CEP76: variants seen among roughly 807,000 people sequenced by gnomAD.
CEP76 encodes the protein centrosomal protein of 76 kDa.
CEP76 carries 55 observed loss-of-function variants against 83.3 expected under a neutral mutation model. The observed-to-expected ratio is 0.66, with a 90% CI of 0.53 to 0.83. The LOEUF (loss-of-function observed/expected upper bound fraction) is 0.83, where lower values mean the gene tolerates loss of function less well. Ranked by LOEUF, CEP76 falls within the 40% of genes least tolerant of loss-of-function variation. CEP76 has a pLI of 0.00. For missense variants in CEP76, 694 were observed against 799.5 expected (o/e 0.87, Z 1.59); for synonymous variants, 270 against 274.5 (o/e 0.98, Z 0.16).
intron 7 of CEP76, among the ~76,000 whole-genome samples, chr18:12,690,494 T>C (rs1432911735): frequency 1.3e-5 from 2 of 151,952 alleles, no homozygotes; most frequent in African/African-American, 4.8e-5. Flanking sequence ...CTTGCTGTGT[T>C]GCCCAGGCCG....
At position 12,678,228 on chromosome 18, in the gene CEP76, G is replaced by C; in HGVS notation, c.1504C>G (p.Pro502Ala). The change falls in exon 10 of 12, where the codon CCT (proline) becomes GCT (alanine). Residue 502 changes from proline to alanine, a missense_variant. Pro to Ala is a conservative substitution (Grantham distance 27). Coordinates refer to ENST00000262127, the MANE Select transcript of CEP76 (RefSeq NM_024899.4). Reference sequence around the variant, plus strand: ...GGAGGAAGGGATGTTGTAGCTCCAGGAGCACACACAGATTTAATTGCTTCC... The same window carrying C: ...GGAGGAAGGGATGTTGTAGCTCCAGCAGCACACACAGATTTAATTGCTTCC... ...SEEAIKSVCA[P>A]GATTSLPPFP... is the part of the protein sequence containing the mutation. The C allele has an allele frequency of 6.2e-7, 1 of 1,614,128 alleles. No individual in the cohort carries two copies. The highest frequency in any genetic ancestry group is 8.5e-7 in the Non-Finnish European group (1 of 1,180,028).
At chr18:12,693,483 T>C (rs2039839827) in intron 6 of CEP76, among the ~76,000 whole-genome samples, 1 of 151,940 alleles carries the variant, frequency 6.6e-6, no homozygotes, top group Admixed American at 6.6e-5. Flanking sequence ...GCCCAAACAT[T>C]TACTTTATAT....
intron 6 of CEP76, among the ~76,000 whole-genome samples, chr18:12,693,256 T>TTAAA (rs759779120): frequency 1.3e-5 from 2 of 152,088 alleles, no homozygotes; most frequent in Non-Finnish European, 2.9e-5. Context: ...AAAATAATGT[T>TTAAA]AAGTTTAAAA....
chr18:12,671,354 A>C (rs948024128), downstream of CEP76, among the ~76,000 whole-genome samples: 3 of 152,208 alleles, frequency 2.0e-5, no homozygotes, highest in Non-Finnish European at 4.4e-5. Flanking sequence ...TGGATAGCCA[A>C]CTGGTATAGA....
In CEP76 at chr18:12,678,442, C is replaced by T. The variant is rs1437447834; in HGVS notation, c.1290G>A (p.Arg430=). Residue 430 remains arginine, a splice_region_variant and synonymous_variant, in exon 10 of 12, where the codon AGG becomes AGA. Coordinates refer to ENST00000262127, the MANE Select transcript of CEP76 (RefSeq NM_024899.4). ...CAGGATTGGTAGGTTTATGGATGTA[C>T]CTAAAAAAATTAAATAATTTTATAT... is the stretch of plus-strand genomic sequence containing the variant. The part of the protein sequence containing the change: ...ITFWESLTGH[R]YIHKPTNPDE... 1.9e-6 allele frequency: 3 copies of T among 1,558,088 alleles called. No individual in the cohort carries two copies. Among genetic ancestry groups the T allele is most frequent in the Non-Finnish European group, 2.6e-6 (3 of 1,152,114 alleles).
intron 10 of CEP76, among the ~76,000 whole-genome samples, chr18:12,676,684 A>G (rs973456210): frequency 3.3e-5 from 5 of 152,216 alleles, no homozygotes; most frequent in African/African-American, 1.2e-4. Context: ...AGGGGCATTC[A>G]TTTCCAGCAA....
In CEP76 at chr18:12,699,905, C is replaced by A; in HGVS notation, c.220G>T (p.Asp74Tyr). ...DVMKELNFVT[D>Y]SVEQELPSSP... ...GAAGGGAGTTCTTGCTCAACACTGTCCTAGAAAGGCAGGAAAAAAAAATCA... is the reference window on the plus strand; with the variant it reads ...GAAGGGAGTTCTTGCTCAACACTGTACTAGAAAGGCAGGAAAAAAAAATCA... Residue 74 changes from aspartate (D) to tyrosine (Y), a missense_variant and splice_region_variant, in exon 3 of 12, where the codon GAC becomes TAC. Asp to Tyr is a radical substitution (Grantham distance 160). Transcript: ENST00000262127. 1 of 1,573,946 alleles carries A rather than the reference C, an allele frequency of 6.4e-7. No homozygotes were observed. The highest frequency in any genetic ancestry group is 1.2e-5 in the South Asian group (1 of 83,566).
At chr18:12,665,025 C>T (rs1409021053) in intron 12 of CEP76, 1 of 152,018 alleles carries the variant, frequency 6.6e-6, no homozygotes, top group Non-Finnish European at 1.5e-5. Context: ...TGGCCCTTTC[C>T]TGTTGCTCAA....
intron 4 of CEP76, 117 bp downstream of exon 4, chr18:12,698,862 A>G (rs1240044660): frequency 1.4e-6 from 1 of 724,660 alleles, no homozygotes; most frequent in Non-Finnish European, 2.3e-6. Flanking sequence ...GTGGGAAACA[A>G]AATAGAGATT....
At chr18:12,689,911 C>T (rs9960555) in intron 7 of CEP76, among the ~76,000 whole-genome samples, 59,248 of 151,980 alleles carry the variant, frequency 0.39, 11,976 homozygotes, top group Non-Finnish European at 0.45. Context: ...GCCTCAGCCT[C>T]CTGACTAACT....
At chr18:12,668,181 C>G (rs943901138), downstream of CEP76, among the ~76,000 whole-genome samples, 18 of 152,162 alleles carry the variant, frequency 1.2e-4, no homozygotes, top group Non-Finnish European at 2.2e-4. Context: ...AGGAAAATCA[C>G]CTGAACCTGG....
intron 12 of CEP76, among the ~76,000 whole-genome samples, chr18:12,665,991 G>T (rs61407614): frequency 6.8e-6 from 1 of 147,596 alleles, no homozygotes; most frequent in African/African-American, 2.5e-5. Context: ...CACCGTGCCC[G>T]GCCCAACACA....
downstream of CEP76, among the ~76,000 whole-genome samples, chr18:12,669,839 TAA>T (rs545367261): frequency 5.3e-5 from 8 of 150,576 alleles, no homozygotes; most frequent in African/African-American, 2.0e-4. Flanking sequence ...TGTCTCTACT[TAA>T]AAAAAATTAG....
At chr18:12,675,844 T>C (rs2039109584) in intron 10 of CEP76, among the ~76,000 whole-genome samples, 1 of 151,868 alleles carries the variant, frequency 6.6e-6, no homozygotes, top group Non-Finnish European at 1.5e-5. Flanking sequence ...AATTTTTGTA[T>C]TTTTAGTAGA....
downstream of CEP76, among the ~76,000 whole-genome samples, chr18:12,668,028 G>A (rs2038840701): frequency 6.6e-6 from 1 of 151,948 alleles, no homozygotes; most frequent in Non-Finnish European, 1.5e-5. Flanking sequence ...ACTTTGGGAG[G>A]CCGAGGCAGG....
chr18:12,687,414 T>A (rs529523396), intron 7 of CEP76, among the ~76,000 whole-genome samples: 69 of 152,108 alleles, frequency 4.5e-4, no homozygotes, highest in African/African-American at 1.4e-3. Context: ...TGGCTATAGA[T>A]TCCACTCATA....
chr18:12,691,301 A>G, intron 7 of CEP76, 58 bp downstream of exon 7: 1 of 1,057,608 alleles, frequency 9.5e-7, no homozygotes, highest in Non-Finnish European at 1.4e-6. Context: ...TGAAATTTAC[A>G]CACATAACAG....
chr18:12,664,847 C>T (rs925533124), intron 12 of CEP76, among the ~76,000 whole-genome samples: 7 of 151,672 alleles, frequency 4.6e-5, no homozygotes, highest in South Asian at 2.1e-4. Context: ...TACAGGCGCC[C>T]GTCACCATGC....
At chr18:12,666,747 C>CCA (rs199533936) in intron 12 of CEP76, among the ~76,000 whole-genome samples, 3 of 148,978 alleles carry the variant, frequency 2.0e-5, no homozygotes, top group African/African-American at 5.0e-5. Context: ...CCACACCCGG[C>CCA]CAAAAAAAAA....
Sources: allele counts gnomAD v4.1 joint callset (sites outside exome capture counted in the v4.1 genomes callset), GRCh38; gene constraint gnomAD v4.1.1; transcripts MANE v1.5; gene names NCBI Gene and HGNC (gene_info 2026-07-23, HGNC 2026-07-21).